THSD7A: variants seen among roughly 807,000 people sequenced by gnomAD.
The protein encoded by THSD7A is thrombospondin type-1 domain-containing protein 7A.
A neutral mutation model predicts 231.3 loss-of-function variants in THSD7A; 96 were observed. The ratio of observed to expected loss-of-function variants is 0.41; its 90% confidence interval spans 0.35 to 0.49. The LOEUF is 0.49. Among genes scored for constraint, THSD7A ranks in the 20% least tolerant of loss-of-function variants. The probability of loss-of-function intolerance (pLI) is 0.05; values close to 1 mark genes in which losing one functional copy is unlikely to be tolerated. For synonymous variants in THSD7A, 940 were observed against 743.3 expected, an observed-to-expected ratio of 1.26 and a Z score of -4.30; for missense variants, 2,290 against 2,070.2, an observed-to-expected ratio of 1.11 and a Z score of -2.06.
chr7:11,567,250 G>A (rs1257693427), intron 4 of THSD7A, among the ~76,000 whole-genome samples: 1 of 152,030 alleles, frequency 6.6e-6, no homozygotes, highest in Non-Finnish European at 1.5e-5. Flanking sequence ...AAGGTGAAGA[G>A]GAAGCAAGAC....
chr7:11,391,448 C>T (rs1370010829), intron 23 of THSD7A, among the ~76,000 whole-genome samples: 1 of 150,934 alleles, frequency 6.6e-6, no homozygotes, highest in Non-Finnish European at 1.5e-5. Flanking sequence ...CGCCCCTCCC[C>T]AGCTCGAGCA....
intron 1 of THSD7A, among the ~76,000 whole-genome samples, chr7:11,771,289 T>C (rs1053821014): frequency 5.3e-5 from 8 of 151,806 alleles, no homozygotes; most frequent in African/African-American, 1.9e-4. Flanking sequence ...TAAAGATGAA[T>C]AAGTGATCAC....
At chr7:11,541,127 A>G (rs1789129175) in intron 6 of THSD7A, among the ~76,000 whole-genome samples, 1 of 152,220 alleles carries the variant, frequency 6.6e-6, no homozygotes, top group Non-Finnish European at 1.5e-5. Flanking sequence ...TTATTGTTAA[A>G]TTTGGCAATT....
chr7:11,422,309 T>C (rs974368126), intron 16 of THSD7A, among the ~76,000 whole-genome samples: 17 of 152,228 alleles, frequency 1.1e-4, no homozygotes, highest in African/African-American at 3.6e-4. Flanking sequence ...AAGAGTGTAA[T>C]TGAATAAATT....
At chr7:11,483,829 A>G (rs1786532685) in intron 6 of THSD7A, among the ~76,000 whole-genome samples, 1 of 152,150 alleles carries the variant, frequency 6.6e-6, no homozygotes, top group South Asian at 2.1e-4. Context: ...TTATCCTCTA[A>G]TAGTTACCTA....
At chr7:11,449,684 C>T (rs1005019587) in intron 11 of THSD7A, among the ~76,000 whole-genome samples, 1 of 152,090 alleles carries the variant, frequency 6.6e-6, no homozygotes, top group Middle Eastern at 3.4e-3. Flanking sequence ...GAGAAATCCT[C>T]GAGATGCAGG....
At chr7:11,413,339 C>T (rs981212492) in intron 17 of THSD7A, among the ~76,000 whole-genome samples, 2 of 149,990 alleles carry the variant, frequency 1.3e-5, no homozygotes, top group African/African-American at 2.5e-5. Flanking sequence ...CCAAATGGAC[C>T]CCCTCTTGGC....
chr7:11,516,161 A>G (rs534609820), intron 6 of THSD7A, among the ~76,000 whole-genome samples: 15 of 152,224 alleles, frequency 9.9e-5, no homozygotes, highest in South Asian at 2.1e-4. Context: ...GTAATAAAGT[A>G]TAATACTTAT....
chr7:11,779,209 T>C (rs1162545740), intron 1 of THSD7A, among the ~76,000 whole-genome samples: 3 of 152,190 alleles, frequency 2.0e-5, no homozygotes, highest in African/African-American at 7.2e-5. Context: ...ACTTCATCAA[T>C]TCTATAATGT....
Position 11,632,382 on chromosome 7 carries a change from T to C in THSD7A, c.1022+3748A>G, listed in dbSNP as rs1185414847. On this transcript the variant is annotated intron_variant, in intron 2 of 27. Coordinates refer to ENST00000423059, the MANE Select transcript of THSD7A (RefSeq NM_015204.3). This position sits in a 1 kb window ranked among gnomAD's most constrained non-coding sequence, Gnocchi z 4.1. ...GATATTTTAATCTTTTTCCCCATTATAATATTTAATTTTTTAAGCATCTAG... is the reference window on the plus strand; with the variant it reads ...GATATTTTAATCTTTTTCCCCATTACAATATTTAATTTTTTAAGCATCTAG... 1.3e-5 allele frequency among the ~76,000 whole-genome samples: 2 copies of C among 152,174 alleles called. No individual in the cohort carries two copies. The highest frequency in any genetic ancestry group is 2.9e-5 in the Non-Finnish European group (2 of 68,022).
chr7:11,417,820 A>G (rs1216030313), intron 16 of THSD7A, among the ~76,000 whole-genome samples: 3 of 152,214 alleles, frequency 2.0e-5, no homozygotes, highest in Admixed American at 1.3e-4. Context: ...GTGCTTCTGC[A>G]TGATTCAAAA....
intron 18 of THSD7A, 77 bp downstream of exon 18, chr7:11,412,579 A>G (rs1312275767): frequency 7.7e-6 from 12 of 1,558,510 alleles, no homozygotes; most frequent in East Asian, 2.3e-5. Flanking sequence ...GAGATGAACT[A>G]TACTGACAGG....
At chr7:11,806,054 T>A (rs1784390858) in intron 1 of THSD7A, among the ~76,000 whole-genome samples, 1 of 152,198 alleles carries the variant, frequency 6.6e-6, no homozygotes, top group Non-Finnish European at 1.5e-5. Flanking sequence ...TCACAGTTTT[T>A]TGACCTACAA....
At position 11,410,013 on chromosome 7, in the gene THSD7A, A is replaced by AT. The variant is rs541910856; in HGVS notation, c.3798+1193dup. ...CGACTGAGCCTCCCAAAGTGCTGGG[A>AT]TTAGAGGCTTGAGCCACCCTACTCG... On this transcript the variant is annotated intron_variant, in intron 19 of 27. Coordinates refer to ENST00000423059, the MANE Select transcript of THSD7A (RefSeq NM_015204.3). Among the ~76,000 whole-genome samples, 23 of 152,256 alleles carry AT rather than the reference A, an allele frequency of 1.5e-4. 1 individual carries two copies. The South Asian group carries it at 4.8e-3, about 32-fold the overall frequency.
intron 1 of THSD7A, among the ~76,000 whole-genome samples, chr7:11,690,640 G>A (rs1365680033): frequency 6.6e-6 from 1 of 151,688 alleles, no homozygotes; most frequent in Non-Finnish European, 1.5e-5. Context: ...AATTCACCTT[G>A]AGCCCTTTGG....
intron 1 of THSD7A, among the ~76,000 whole-genome samples, chr7:11,646,601 C>T (rs1356379011): frequency 2.6e-5 from 4 of 151,944 alleles, no homozygotes; most frequent in Non-Finnish European, 4.4e-5. Flanking sequence ...TTCAGGCTAC[C>T]GATCTTCCAT....
chr7:11,490,714 G>T (rs1368266791), intron 6 of THSD7A, among the ~76,000 whole-genome samples: 3 of 151,894 alleles, frequency 2.0e-5, no homozygotes, highest in Non-Finnish European at 4.4e-5. Flanking sequence ...TTTTAAGCTT[G>T]AAATGACCTA....
intron 1 of THSD7A, among the ~76,000 whole-genome samples, chr7:11,725,547 A>G (rs1314019891): frequency 2.0e-5 from 3 of 152,008 alleles, no homozygotes; most frequent in Non-Finnish European, 4.4e-5. Flanking sequence ...CGAAATGTCA[A>G]TAGGACCATA....
At chr7:11,673,177 G>GC (rs1294083749) in intron 1 of THSD7A, among the ~76,000 whole-genome samples, 1 of 152,124 alleles carries the variant, frequency 6.6e-6, no homozygotes, top group East Asian at 1.9e-4. Context: ...ACCTGGACTG[G>GC]CCCCTGCACC....
Sources: gnomAD v4.1 joint callset for allele counts (sites outside exome capture counted in the v4.1 genomes callset) on GRCh38, gnomAD v4.1.1 for gene constraint, Gnocchi (gnomAD v3.1) non-coding constraint, MANE v1.5 for transcripts, NCBI Gene and HGNC (gene_info 2026-07-23, HGNC 2026-07-21) for gene names.